Variants in ZNF827 observed in about 807,000 individuals in gnomAD.
ZNF827 encodes the protein zinc finger protein 827.
Under a neutral mutation model 102.4 loss-of-function variants are expected in ZNF827, and 13 were observed. That is an observed-to-expected ratio of 0.13 (90% confidence interval 0.08 to 0.20). The LOEUF is 0.20. Among genes scored for constraint, ZNF827 ranks in the 10% least tolerant of loss-of-function variants. The pLI, the probability that ZNF827 is intolerant of heterozygous loss-of-function variation, is 1.00. For missense variants in ZNF827, 1,103 were observed against 1,344.4 expected, an observed-to-expected ratio of 0.82 and a Z score of 2.81; for synonymous variants, 523 against 536.2, an observed-to-expected ratio of 0.98 and a Z score of 0.34.
chr4:145,775,727 T>C, intron 10 of ZNF827, 62 bp downstream of exon 10: 1 of 1,593,442 alleles, frequency 6.3e-7, no homozygotes, highest in Non-Finnish European at 8.6e-7. Context: ...AGCAGACAGG[T>C]AGGAAGTGTT....
chr4:145,870,587 C>T lies in ZNF827; in HGVS notation c.1748-109G>A, dbSNP rs1022967823. On this transcript the variant is annotated intron_variant, in intron 4 of 14. Transcript: ENST00000508784. ...TGCACAATCACACTGTGCTAACAAC[C>T]GGAGGGATCACAACCTCATCAGAAC... 1.6e-5 allele frequency: 16 copies of T among 973,162 alleles called. 1 individual carries two copies. The highest frequency in any genetic ancestry group is 1.6e-4 in the Admixed American group (7 of 43,010). The allele number at this position is 973,162 out of a possible 1,614,324, so 60.3% of individuals were successfully genotyped here. A position where few individuals can be genotyped will look rare whatever the true frequency, so the allele number is the denominator to read the frequency against.
At chr4:145,799,509 C>G (rs17020588) in intron 8 of ZNF827, among the ~76,000 whole-genome samples, 7 of 152,054 alleles carry the variant, frequency 4.6e-5, no homozygotes, top group Non-Finnish European at 7.4e-5. Flanking sequence ...CTATCCTGAC[C>G]AAAGGCCATT....
At chr4:145,872,472 G>C (rs1748782485) in intron 4 of ZNF827, among the ~76,000 whole-genome samples, 2 of 152,232 alleles carry the variant, frequency 1.3e-5, no homozygotes, top group Admixed American at 1.3e-4. Context: ...CCAGCCTCCA[G>C]AAGAGAGAAA....
chr4:145,773,574 C>T (rs1433589366), intron 11 of ZNF827, among the ~76,000 whole-genome samples: 1 of 152,240 alleles, frequency 6.6e-6, no homozygotes, highest in Non-Finnish European at 1.5e-5. Context: ...AGCTCCTCCT[C>T]ATTCTCACTT....
At chr4:145,897,068 C>G (rs560087422) in intron 2 of ZNF827, among the ~76,000 whole-genome samples, 1 of 152,294 alleles carries the variant, frequency 6.6e-6, no homozygotes, top group Admixed American at 6.5e-5. Context: ...GCTCTGTTTA[C>G]AGATGAGGAT....
intron 1 of ZNF827, among the ~76,000 whole-genome samples, chr4:145,912,975 T>C (rs1752396267): frequency 6.6e-6 from 1 of 152,176 alleles, no homozygotes; most frequent in Non-Finnish European, 1.5e-5. Flanking sequence ...ATAGCCTCAG[T>C]TTGTAATGTA....
At chr4:145,889,072 G>A (rs1303919370) in intron 3 of ZNF827, among the ~76,000 whole-genome samples, 2 of 152,002 alleles carry the variant, frequency 1.3e-5, no homozygotes, top group Non-Finnish European at 2.9e-5. Context: ...ATACATCAAA[G>A]TGATAATGGT....
intron 11 of ZNF827, among the ~76,000 whole-genome samples, chr4:145,773,804 C>T (rs1415307536): frequency 1.3e-5 from 2 of 152,114 alleles, no homozygotes; most frequent in East Asian, 1.9e-4. Flanking sequence ...ACATGCCATG[C>T]GTCATTAAGG....
At chr4:145,817,402 A>G (rs1206255624) in intron 8 of ZNF827, among the ~76,000 whole-genome samples, 1 of 152,218 alleles carries the variant, frequency 6.6e-6, no homozygotes, top group Non-Finnish European at 1.5e-5. Context: ...TGCTATAAAA[A>G]TACTACCAGA....
chr4:145,887,369 T>C (rs1372311083), intron 3 of ZNF827, among the ~76,000 whole-genome samples: 1 of 152,080 alleles, frequency 6.6e-6, no homozygotes, highest in East Asian at 1.9e-4. Flanking sequence ...CTGAATGCAA[T>C]CCAAAAGCAT....
chr4:145,789,359 C>A (rs1739341692), intron 8 of ZNF827, among the ~76,000 whole-genome samples: 1 of 152,012 alleles, frequency 6.6e-6, no homozygotes, highest in Non-Finnish European at 1.5e-5. Context: ...CAGTTTATCT[C>A]CATTATGCAA....
intron 8 of ZNF827, among the ~76,000 whole-genome samples, chr4:145,815,278 A>G (rs1002925746): frequency 3.1e-4 from 47 of 152,234 alleles, no homozygotes; most frequent in Non-Finnish European, 1.3e-4. Context: ...ATGCGAATGC[A>G]AACACTGGCC....
At chr4:145,793,017 A>T (rs974663728) in intron 8 of ZNF827, among the ~76,000 whole-genome samples, 1 of 151,902 alleles carries the variant, frequency 6.6e-6, no homozygotes, top group Admixed American at 6.6e-5. Flanking sequence ...CCACCTTGGA[A>T]AGTGTCTCTT....
In ZNF827 at chr4:145,779,310, C is replaced by A. The variant is rs963841901; in HGVS notation, c.2521+64G>T. The stretch of plus-strand genomic sequence containing the variant: ...TGCCTCTCTTAGAGAAACTCAGTTT[C>A]CGGAGAGTAAAGAAGTTGGTGATGG... On this transcript the variant is annotated intron_variant, in intron 9 of 14. Coordinates refer to ENST00000508784, the MANE Select transcript of ZNF827 (RefSeq NM_001306215.2). The A allele has an allele frequency of 7.1e-6, 11 of 1,556,850 alleles. No homozygotes were observed. In the South Asian group the frequency reaches 1.3e-4, roughly 19 times the overall value.
At chr4:145,890,538 AC>A (rs1027356169) in intron 3 of ZNF827, among the ~76,000 whole-genome samples, 17 of 152,124 alleles carry the variant, frequency 1.1e-4, no homozygotes, top group Admixed American at 7.2e-4. Flanking sequence ...GTTTTAAGTG[AC>A]CCTGAGCTGA....
rs564661116 is a variant in ZNF827 at position 145,852,943 on chromosome 4, G to GTT, written c.1982-3384_1982-3383dup. Among the ~76,000 whole-genome samples the GTT allele has an allele frequency of 5.3e-5, 8 of 152,226 alleles. No individual in the cohort carries two copies. The South Asian group carries it at 1.7e-3, about 32-fold the overall frequency. The stretch of plus-strand genomic sequence containing the variant: ...CCACCATCCTGGGCTCCATCCTCTA[G>GTT]TTTTAACAACCAAACATGACTGCAG... On this transcript the variant is annotated intron_variant, in intron 5 of 14. Transcript: ENST00000508784.
intron 8 of ZNF827, among the ~76,000 whole-genome samples, chr4:145,801,089 C>T (rs527845132): frequency 3.4e-4 from 51 of 152,168 alleles, no homozygotes; most frequent in Non-Finnish European, 6.3e-4. Context: ...GGCATAATTC[C>T]AAGCACATTT....
chr4:145,883,724 C>T (rs1368087648), intron 4 of ZNF827, among the ~76,000 whole-genome samples: 5 of 152,152 alleles, frequency 3.3e-5, no homozygotes, highest in African/African-American at 1.2e-4. Context: ...GAGTCATTCA[C>T]CCCCACTCGG....
At chr4:145,878,677 G>A (rs1452996594) in intron 4 of ZNF827, among the ~76,000 whole-genome samples, 2 of 149,004 alleles carry the variant, frequency 1.3e-5, no homozygotes, top group Non-Finnish European at 3.0e-5. Flanking sequence ...GAGAAAGGAA[G>A]GAAGGGAGAG....
Sources: allele counts gnomAD v4.1 joint callset (sites outside exome capture counted in the v4.1 genomes callset), GRCh38; gene constraint gnomAD v4.1.1; transcripts MANE v1.5; gene names NCBI Gene and HGNC (gene_info 2026-07-23, HGNC 2026-07-21).